The following ENTREP2 variants were observed in gnomAD, a reference collection of about 807,000 sequenced individuals.
ENTREP2 encodes endosomal transmembrane epsin interactor 2.
the ENTREP2 span, among the ~76,000 whole-genome samples, chr15:29,415,673 T>C: frequency 6.6e-6 from 1 of 152,164 alleles, no homozygotes; most frequent in African/African-American, 2.4e-5. Context: ...GAGAAGGAGA[T>C]AAACGGCATT....
the ENTREP2 span, among the ~76,000 whole-genome samples, chr15:29,371,349 A>AACACACACACACACAC: frequency 7.1e-3 from 947 of 133,952 alleles, 17 homozygotes; most frequent in East Asian, 0.043. Context: ...CACCCCCGCA[A>AACACACACACACACAC]ACACACACAC....
At chr15:29,393,740 A>AT in the ENTREP2 span, among the ~76,000 whole-genome samples, 4 of 81,520 alleles carry the variant, frequency 4.9e-5, no homozygotes, top group Non-Finnish European at 6.5e-5. Flanking sequence ...GGCTACTTTT[A>AT]TTTTTTTTTA....
the ENTREP2 span, among the ~76,000 whole-genome samples, chr15:29,402,963 C>T: frequency 1.1e-4 from 17 of 152,086 alleles, no homozygotes; most frequent in African/African-American, 3.9e-4. Flanking sequence ...GAGAGGTGGA[C>T]GGGGCCAGAC....
At chr15:29,226,001 A>C in the ENTREP2 span, among the ~76,000 whole-genome samples, 1 of 152,118 alleles carries the variant, frequency 6.6e-6, no homozygotes, top group Non-Finnish European at 1.5e-5. Context: ...GACACTGTCC[A>C]CCACAGCCCC....
At chr15:29,538,682 G>A in the ENTREP2 span, among the ~76,000 whole-genome samples, 28 of 149,146 alleles carry the variant, frequency 1.9e-4, no homozygotes, top group African/African-American at 6.7e-4. Context: ...GGTGGCGGGC[G>A]CCTGTAGTCC....
At chr15:29,347,552 C>A in the ENTREP2 span, among the ~76,000 whole-genome samples, 1 of 152,012 alleles carries the variant, frequency 6.6e-6, no homozygotes, top group Non-Finnish European at 1.5e-5. Flanking sequence ...AATATAGATA[C>A]CCATAGTCAC....
the ENTREP2 span, among the ~76,000 whole-genome samples, chr15:29,367,494 T>C: frequency 6.6e-6 from 1 of 152,150 alleles, no homozygotes; most frequent in Non-Finnish European, 1.5e-5. Flanking sequence ...AGATAATAGT[T>C]GGGGCAAACA....
chr15:29,201,045 G>A, the ENTREP2 span, among the ~76,000 whole-genome samples: 1 of 152,118 alleles, frequency 6.6e-6, no homozygotes, highest in Admixed American at 6.5e-5. Flanking sequence ...CAGTATTACT[G>A]TTACTATACA....
chr15:29,361,316 T>C, the ENTREP2 span, among the ~76,000 whole-genome samples: 2 of 152,208 alleles, frequency 1.3e-5, no homozygotes, highest in Non-Finnish European at 2.9e-5. Flanking sequence ...GCTACCCAAG[T>C]ACATAATCCC....
At chr15:29,585,472 AGAT>A in the ENTREP2 span, among the ~76,000 whole-genome samples, 1 of 152,246 alleles carries the variant, frequency 6.6e-6, no homozygotes, top group Admixed American at 6.5e-5. Context: ...ACACATGAAA[AGAT>A]GATCATAATC....
chr15:29,271,352 C>T, the ENTREP2 span, among the ~76,000 whole-genome samples: 1 of 152,092 alleles, frequency 6.6e-6, no homozygotes, highest in African/African-American at 2.4e-5. Context: ...GCAAAAGGTC[C>T]CTACTGCAGG....
the ENTREP2 span, among the ~76,000 whole-genome samples, chr15:29,650,105 G>A: frequency 2.0e-5 from 3 of 152,060 alleles, no homozygotes; most frequent in Admixed American, 1.3e-4. Flanking sequence ...ATGCATATGC[G>A]CTAAAGGTTG....
the ENTREP2 span, among the ~76,000 whole-genome samples, chr15:29,169,012 T>C: frequency 2.0e-4 from 31 of 152,324 alleles, no homozygotes; most frequent in Middle Eastern, 3.4e-3. Flanking sequence ...TTCTACGAAG[T>C]TTTAAGAAGA....
the ENTREP2 span, among the ~76,000 whole-genome samples, chr15:29,365,643 A>G: frequency 6.6e-6 from 1 of 152,028 alleles, no homozygotes; most frequent in Admixed American, 6.6e-5. Flanking sequence ...TGCTCTGGGA[A>G]TATAGTTTCC....
At chr15:29,311,252 G>A in the ENTREP2 span, among the ~76,000 whole-genome samples, 12 of 152,158 alleles carry the variant, frequency 7.9e-5, no homozygotes, top group African/African-American at 2.2e-4. Context: ...TTATATGATC[G>A]ATAGATTTCT....
chr15:29,342,872 T>A, the ENTREP2 span, among the ~76,000 whole-genome samples: 10 of 152,352 alleles, frequency 6.6e-5, no homozygotes, highest in South Asian at 2.1e-3. Flanking sequence ...ATTAGAAATA[T>A]TTCTCCCAGT....
chr15:29,594,093 C>A, the ENTREP2 span, among the ~76,000 whole-genome samples: 1 of 151,828 alleles, frequency 6.6e-6, no homozygotes, highest in Admixed American at 6.6e-5. Flanking sequence ...AATCGTTTTC[C>A]AAAAAGGTTT....
chr15:29,618,258 C>T, the ENTREP2 span, among the ~76,000 whole-genome samples: 1 of 151,962 alleles, frequency 6.6e-6, no homozygotes, highest in Non-Finnish European at 1.5e-5. Context: ...CCCGTCTCTA[C>T]TAAAAATACA....
At chr15:29,649,346 A>G in the ENTREP2 span, among the ~76,000 whole-genome samples, 2 of 152,206 alleles carry the variant, frequency 1.3e-5, no homozygotes, top group African/African-American at 4.8e-5. Context: ...GTTATTTATG[A>G]TGAAGGAAAT....
Sources: allele counts gnomAD v4.1 joint callset (sites outside exome capture counted in the v4.1 genomes callset), GRCh38; gene constraint gnomAD v4.1.1; transcripts MANE v1.5; gene names NCBI Gene and HGNC (gene_info 2026-07-23, HGNC 2026-07-21).